ZNF609: variants seen among roughly 807,000 people sequenced by gnomAD.
ZNF609 encodes zinc finger protein 609.
A neutral mutation model predicts 109.5 loss-of-function variants in ZNF609; 11 were observed. That is an observed-to-expected ratio of 0.10 (90% CI 0.06 to 0.17). The LOEUF (loss-of-function observed/expected upper bound fraction) is 0.17. Ranked by LOEUF, ZNF609 falls within the 10% of genes least tolerant of loss-of-function variation. The pLI is 1.00. For missense variants in ZNF609, 1,559 were observed against 1,772.4 expected, an observed-to-expected ratio of 0.88 and a Z score of 2.16; for synonymous variants, 646 against 662.0, an observed-to-expected ratio of 0.98 and a Z score of 0.37.
At chr15:64,528,817 G>A in intron 2 of ZNF609, 1 of 829,770 alleles carries the variant, frequency 1.2e-6, no homozygotes. Flanking sequence ...TGTTGCTGTT[G>A]AAGTCGAAGG....
At chr15:64,469,339 G>A (rs988334271) in intron 1 of ZNF609, among the ~76,000 whole-genome samples, 4 of 146,482 alleles carry the variant, frequency 2.7e-5, no homozygotes, top group South Asian at 2.2e-4. Context: ...TGGGAGGATC[G>A]CTTGAGCCCA....
chr15:64,670,523 C>A (rs991273838), intron 4 of ZNF609, 90 bp downstream of exon 4: 12 of 1,112,446 alleles, frequency 1.1e-5, no homozygotes, highest in Non-Finnish European at 1.2e-5. Context: ...GTTGTACATC[C>A]AGCTTTTAAA....
At position 64,565,232 on chromosome 15, in the gene ZNF609, G is replaced by GTATTATGATTATTATTATTAT. The variant is rs1894757434; in HGVS notation, c.748-57589_748-57588insGATTATTATTATTATTATTAT. Among the ~76,000 whole-genome samples, 5 of 138,734 alleles carry GTATTATGATTATTATTATTAT rather than the reference G, an allele frequency of 3.6e-5. No individual in the cohort carries two copies. The South Asian group carries it at 1.2e-3, about 32-fold the overall frequency. The allele number at this position is 138,734 out of a possible 152,430, so 91.0% of individuals were successfully genotyped here. ...GTGCCACCATGCCTGGCTAATTTTT[G>GTATTATGATTATTATTATTAT]TATTATTATTATTATTATTACTATT... is the stretch of plus-strand genomic sequence containing the variant. On this transcript the variant is annotated intron_variant, in intron 2 of 9. Coordinates refer to ENST00000326648, the MANE Select transcript of ZNF609 (RefSeq NM_015042.2).
chr15:64,600,732 AAAAG>A lies in ZNF609; in HGVS notation c.748-22091_748-22088del, dbSNP rs1410850417. Among the ~76,000 whole-genome samples, 20 of 151,954 alleles carry A rather than the reference AAAAG, an allele frequency of 1.3e-4. No individual in the cohort carries two copies. The East Asian group carries it at 3.9e-3, about 29-fold the overall frequency. On this transcript the variant is annotated intron_variant, in intron 2 of 9. Coordinates refer to ENST00000326648, the MANE Select transcript of ZNF609 (RefSeq NM_015042.2). ...AAGAAAGGAAGGGAAAGAAAGAAAA[AAAAG>A]AAAAATTAATGGCCTCTCTTAATTT... is the stretch of plus-strand genomic sequence containing the variant.
At chr15:64,537,565 AG>A (rs1894175177) in intron 2 of ZNF609, among the ~76,000 whole-genome samples, 1 of 152,082 alleles carries the variant, frequency 6.6e-6, no homozygotes, top group Non-Finnish European at 1.5e-5. Flanking sequence ...AAAAGAAAAA[AG>A]AAAAAAAATA....
At chr15:64,461,011 G>T (rs1402507394) in intron 1 of ZNF609, among the ~76,000 whole-genome samples, 173 bp downstream of exon 1, 1 of 95,620 alleles carries the variant, frequency 1.0e-5, no homozygotes, top group Non-Finnish European at 2.1e-5. Context: ...TGTAGGGGGG[G>T]TCGTTGCGTG....
chr15:64,680,471 A>T, intron 7 of ZNF609, 111 bp downstream of exon 7: 1 of 1,419,064 alleles, frequency 7.0e-7, no homozygotes, highest in Non-Finnish European at 9.6e-7. Flanking sequence ...AGCTTGGCTG[A>T]CTTGACACTG....
intron 3 of ZNF609, among the ~76,000 whole-genome samples, chr15:64,625,155 A>G (rs1255133044): frequency 3.3e-5 from 5 of 152,306 alleles, no homozygotes; most frequent in Middle Eastern, 3.4e-3. Flanking sequence ...ATTAATGTGT[A>G]TCTTTTCTAC....
At chr15:64,539,148 C>T (rs1336484226) in intron 2 of ZNF609, among the ~76,000 whole-genome samples, 4 of 150,934 alleles carry the variant, frequency 2.7e-5, no homozygotes, top group Non-Finnish European at 5.9e-5. Flanking sequence ...AGACTGCAGG[C>T]GCCTGCCACC....
chr15:64,679,058 G>A (rs1896845321), intron 6 of ZNF609, among the ~76,000 whole-genome samples: 1 of 152,170 alleles, frequency 6.6e-6, no homozygotes, highest in Admixed American at 6.6e-5. Context: ...GCTCTTTATA[G>A]TGTTTAAATG....
At chr15:64,625,932 T>TAGAGAG (rs1199923891) in intron 3 of ZNF609, among the ~76,000 whole-genome samples, 4 of 74,620 alleles carry the variant, frequency 5.4e-5, no homozygotes, top group African/African-American at 2.1e-4. Context: ...TATATATATA[T>TAGAGAG]ATATAGAGAG....
intron 2 of ZNF609, among the ~76,000 whole-genome samples, chr15:64,613,714 C>T (rs1895752726): frequency 6.6e-6 from 1 of 151,914 alleles, no homozygotes; most frequent in Non-Finnish European, 1.5e-5. Flanking sequence ...CCATGCCCGG[C>T]TAATTTTTTG....
At chr15:64,636,212 T>C (rs1896172518) in intron 3 of ZNF609, among the ~76,000 whole-genome samples, 1 of 152,190 alleles carries the variant, frequency 6.6e-6, no homozygotes, top group South Asian at 2.1e-4. Flanking sequence ...TTATAGGCCC[T>C]GCTACTCACT....
At chr15:64,642,446 A>G (rs1327015273) in intron 3 of ZNF609, among the ~76,000 whole-genome samples, 2 of 152,080 alleles carry the variant, frequency 1.3e-5, no homozygotes, top group Non-Finnish European at 2.9e-5. Context: ...TGGTCTCCCA[A>G]AGTGCTGAGA....
At chr15:64,602,307 A>G (rs1895511118) in intron 2 of ZNF609, among the ~76,000 whole-genome samples, 1 of 152,118 alleles carries the variant, frequency 6.6e-6, no homozygotes, top group African/African-American at 2.4e-5. Flanking sequence ...CTGGCACCAA[A>G]TTGTCTGAGC....
intron 3 of ZNF609, among the ~76,000 whole-genome samples, chr15:64,648,797 G>A (rs547421367): frequency 4.0e-5 from 6 of 149,658 alleles, no homozygotes; most frequent in South Asian, 2.1e-4. Context: ...TATGTAACCC[G>A]TTGTATCTGG....
chr15:64,649,454 T>A (rs915239037), intron 3 of ZNF609, among the ~76,000 whole-genome samples: 4 of 152,116 alleles, frequency 2.6e-5, no homozygotes, highest in African/African-American at 9.7e-5. Flanking sequence ...GGAATCACAC[T>A]GAGTTGAGAA....
chr15:64,530,743 G>T (rs762327772), intron 2 of ZNF609, among the ~76,000 whole-genome samples: 4 of 152,206 alleles, frequency 2.6e-5, no homozygotes, highest in Admixed American at 1.3e-4. Context: ...GAGGTCTTCA[G>T]TATAATATTC....
At chr15:64,525,716 C>T (rs1179463131) in intron 2 of ZNF609, among the ~76,000 whole-genome samples, 6 of 152,020 alleles carry the variant, frequency 3.9e-5, no homozygotes, top group African/African-American at 7.2e-5. Flanking sequence ...AGATGTCTTT[C>T]CATTTATTTA....
Sources: gnomAD v4.1 joint callset for allele counts (sites outside exome capture counted in the v4.1 genomes callset) on GRCh38, gnomAD v4.1.1 for gene constraint, MANE v1.5 for transcripts, NCBI Gene and HGNC (gene_info 2026-07-23, HGNC 2026-07-21) for gene names.